The following RPTOR variants were observed in gnomAD, a reference collection of about 807,000 sequenced individuals.
The protein encoded by RPTOR is regulatory-associated protein of mTOR.
In RPTOR, 21 loss-of-function variants were observed where a neutral mutation model predicts 169.9. That is an observed-to-expected ratio of 0.12 (90% confidence interval 0.09 to 0.18). RPTOR has a LOEUF of 0.18. RPTOR is among the 10% of genes least tolerant of loss of function. RPTOR has a pLI of 1.00. For missense variants in RPTOR, 1,133 were observed against 1,855.9 expected (o/e 0.61, Z 7.16); for synonymous variants, 732 against 753.2 (o/e 0.97, Z 0.46).
chr17:80,627,534 T>C (rs944032156), intron 2 of RPTOR, among the ~76,000 whole-genome samples: 3 of 152,256 alleles, frequency 2.0e-5, no homozygotes, highest in African/African-American at 7.2e-5. Context: ...TTTTACAGAA[T>C]GTCATTTAAG....
At chr17:80,742,865 CAG>C (rs1400632931) in intron 5 of RPTOR, among the ~76,000 whole-genome samples, 2 of 152,016 alleles carry the variant, frequency 1.3e-5, no homozygotes, top group African/African-American at 4.8e-5. Context: ...CATGTGCACA[CAG>C]AAACATGGAC....
intron 1 of RPTOR, among the ~76,000 whole-genome samples, chr17:80,583,753 G>A (rs965426634): frequency 1.3e-5 from 2 of 152,218 alleles, no homozygotes; most frequent in African/African-American, 2.4e-5. Flanking sequence ...GAGTAGAAAC[G>A]AGAATGCACC....
chr17:80,785,941 C>A (rs2066986636), intron 6 of RPTOR, among the ~76,000 whole-genome samples: 1 of 152,192 alleles, frequency 6.6e-6, no homozygotes, highest in Non-Finnish European at 1.5e-5. Context: ...GTGTGTTCAC[C>A]TTCTAACCGG....
At chr17:80,698,298 G>A (rs575110697) in intron 3 of RPTOR, among the ~76,000 whole-genome samples, 1 of 151,932 alleles carries the variant, frequency 6.6e-6, no homozygotes, top group South Asian at 2.1e-4. Flanking sequence ...AGGGGCTGCC[G>A]CCCCACCCCC....
intron 21 of RPTOR, among the ~76,000 whole-genome samples, chr17:80,918,860 G>A (rs761035846): frequency 3.3e-5 from 5 of 152,102 alleles, no homozygotes; most frequent in Non-Finnish European, 7.4e-5. Context: ...CAGGTGCAGA[G>A]AGGGCTCCAC....
At chr17:80,962,640 G>A in intron 32 of RPTOR, 63 bp downstream of exon 32, 1 of 1,447,254 alleles carries the variant, frequency 6.9e-7, no homozygotes, top group South Asian at 1.2e-5. Flanking sequence ...GTGCAAACGG[G>A]AGGCTCTTGT....
chr17:80,938,271 C>A (rs532314592), intron 24 of RPTOR, among the ~76,000 whole-genome samples: 1 of 152,218 alleles, frequency 6.6e-6, no homozygotes, highest in African/African-American at 2.4e-5. Flanking sequence ...ATTTCTACCC[C>A]CCACGTCTGG....
At chr17:80,667,761 A>G (rs144203652) in intron 3 of RPTOR, among the ~76,000 whole-genome samples, 4 of 152,334 alleles carry the variant, frequency 2.6e-5, no homozygotes, top group African/African-American at 9.6e-5. Flanking sequence ...TGCAGTTTGG[A>G]CTTAAGCCTG....
chr17:80,845,027 G>T lies in RPTOR; in HGVS notation c.1213-1446G>T, dbSNP rs373996703. On this transcript the variant is annotated intron_variant, in intron 10 of 33. Transcript: ENST00000306801. This position sits in a 1 kb window ranked among gnomAD's most constrained non-coding sequence, Gnocchi z 5.4. ...GTATCGGGGGCTCAGGGAAGGCAGA[G>T]CTGTGTGTTAAGTGGAAGTGACTCT... Among the ~76,000 whole-genome samples, 1 of 151,530 alleles carries T rather than the reference G, an allele frequency of 6.6e-6. No homozygotes were observed. Among genetic ancestry groups the T allele is most frequent in the African/African-American group, 2.4e-5 (1 of 41,154 alleles).
rs866613321 is a variant in RPTOR at position 80,651,746 on chromosome 17, G to A, written c.348+7936G>A. On this transcript the variant is annotated intron_variant, in intron 3 of 33. Transcript: ENST00000306801. This position sits in a 1 kb window ranked among gnomAD's most constrained non-coding sequence, Gnocchi z 4.1. ...AAATATTTAAAAAATGGCCAGGCACGGTGGCTCACGCCTGTAATCCCAGCA... is the reference window on the plus strand; with the variant it reads ...AAATATTTAAAAAATGGCCAGGCACAGTGGCTCACGCCTGTAATCCCAGCA... Among the ~76,000 whole-genome samples the A allele has an allele frequency of 2.4e-4, 37 of 151,952 alleles. 1 individual carries two copies. The highest frequency in any genetic ancestry group is 3.5e-3 in the Middle Eastern group (1 of 288).
At chr17:80,934,421 T>C (rs1366936987) in intron 24 of RPTOR, among the ~76,000 whole-genome samples, 1 of 152,222 alleles carries the variant, frequency 6.6e-6, no homozygotes, top group Non-Finnish European at 1.5e-5. Flanking sequence ...TTCAGCGGTG[T>C]GATCATTGAT....
intron 3 of RPTOR, among the ~76,000 whole-genome samples, chr17:80,700,799 A>ATGG (rs1226907199): frequency 4.2e-4 from 5 of 11,902 alleles, no homozygotes; most frequent in Admixed American, 8.3e-4. Flanking sequence ...GGTGGTGGTG[A>ATGG]TGATGATGGT....
intron 7 of RPTOR, among the ~76,000 whole-genome samples, chr17:80,817,940 C>G (rs2067340712): frequency 6.6e-6 from 1 of 152,108 alleles, no homozygotes; most frequent in African/African-American, 2.4e-5. Flanking sequence ...ATCATGATGA[C>G]CTGGATGTTG....
intron 7 of RPTOR, among the ~76,000 whole-genome samples, chr17:80,808,205 G>C (rs1207566731): frequency 6.6e-6 from 1 of 151,750 alleles, no homozygotes; most frequent in Non-Finnish European, 1.5e-5. Flanking sequence ...CATGAGAATT[G>C]CTTGAGACCA....
intron 28 of RPTOR, 94 bp downstream of exon 28, chr17:80,949,641 C>T: frequency 1.0e-6 from 1 of 994,352 alleles, no homozygotes; most frequent in Non-Finnish European, 1.6e-6. Context: ...TGTCTCTAAA[C>T]AGGCTGCTCC....
chr17:80,904,126 G>A (rs906606810), intron 20 of RPTOR, among the ~76,000 whole-genome samples: 3 of 152,112 alleles, frequency 2.0e-5, no homozygotes, highest in South Asian at 2.1e-4. Context: ...CAGGGCCCAC[G>A]GCTCCGGCCG....
At chr17:80,942,236 G>C (rs534586562) in intron 25 of RPTOR, among the ~76,000 whole-genome samples, 13 of 151,756 alleles carry the variant, frequency 8.6e-5, no homozygotes, top group Middle Eastern at 3.4e-3. Context: ...GCACACGGGG[G>C]CTGCCTGCTG....
intron 7 of RPTOR, among the ~76,000 whole-genome samples, chr17:80,816,923 G>A (rs745326579): frequency 2.0e-5 from 3 of 152,218 alleles, no homozygotes; most frequent in Non-Finnish European, 4.4e-5. Flanking sequence ...CCATTCCTGC[G>A]AGGCGGCTGC....
At chr17:80,857,944 G>C in intron 13 of RPTOR, 44 bp downstream of exon 13, 2 of 1,467,328 alleles carry the variant, frequency 1.4e-6, no homozygotes, top group South Asian at 1.1e-5. Context: ...TGAACCTGCC[G>C]GCCCTTCTGG....
Sources: allele counts gnomAD v4.1 joint callset (sites outside exome capture counted in the v4.1 genomes callset), GRCh38; gene constraint gnomAD v4.1.1; non-coding constraint Gnocchi (gnomAD v3.1); transcripts MANE v1.5; gene names NCBI Gene and HGNC (gene_info 2026-07-23, HGNC 2026-07-21).